The following DCC variants were observed in gnomAD, a reference collection of about 807,000 sequenced individuals.
DCC encodes netrin receptor DCC.
A neutral mutation model predicts 172.5 loss-of-function variants in DCC; 58 were observed. The observed-to-expected ratio is 0.34, with a 90% CI of 0.27 to 0.42. DCC has a LOEUF of 0.42. DCC is among the 10% of genes least tolerant of loss of function. The pLI is 1.00. For missense variants in DCC, 1,740 were observed against 1,791.0 expected (o/e 0.97, Z 0.51); for synonymous variants, 709 against 644.5 (o/e 1.10, Z -1.52).
At position 52,973,925 on chromosome 18, in the gene DCC, T is replaced by C. The variant is rs187055733; in HGVS notation, c.985+48555T>C. On this transcript the variant is annotated intron_variant, in intron 5 of 28. Coordinates refer to ENST00000442544, the MANE Select transcript of DCC (RefSeq NM_005215.4). ...CAAAGAAGATTCATTGAATGTTTTC[T>C]CCTGTGCTTTGGGCACACTCATGTC... is the stretch of plus-strand genomic sequence containing the variant. Among the ~76,000 whole-genome samples the C allele has an allele frequency of 7.2e-5, 11 of 152,294 alleles. No individual in the cohort carries two copies. In the East Asian group the frequency reaches 2.1e-3, roughly 29 times the overall value.
At chr18:52,572,562 A>T (rs1480196107) in intron 1 of DCC, among the ~76,000 whole-genome samples, 1 of 152,188 alleles carries the variant, frequency 6.6e-6, no homozygotes, top group Non-Finnish European at 1.5e-5. Flanking sequence ...AGGCACCTGC[A>T]GTTGAGGGCC....
At chr18:53,499,204 ATC>A (rs2046064928) in intron 26 of DCC, 92 bp from the exon 27 acceptor site, 2 of 1,256,482 alleles carry the variant, frequency 1.6e-6, no homozygotes, top group Non-Finnish European at 2.3e-6. Context: ...ATCCTATCAC[ATC>A]TCTCTGAATG....
At chr18:52,959,034 G>C (rs1453196580) in intron 5 of DCC, among the ~76,000 whole-genome samples, 1 of 152,008 alleles carries the variant, frequency 6.6e-6, no homozygotes, top group South Asian at 2.1e-4. Flanking sequence ...TTTTTGTGTG[G>C]CCGAAGACAG....
At chr18:53,107,377 T>C (rs1350800057) in intron 7 of DCC, among the ~76,000 whole-genome samples, 1 of 151,794 alleles carries the variant, frequency 6.6e-6, no homozygotes, top group Non-Finnish European at 1.5e-5. Context: ...TGTTCTTAAA[T>C]TGGGCCCATT....
chr18:52,845,513 A>C (rs554671420), intron 2 of DCC, among the ~76,000 whole-genome samples: 5 of 152,190 alleles, frequency 3.3e-5, no homozygotes, highest in Non-Finnish European at 5.9e-5. Context: ...TAGGAAAAAG[A>C]CCATGAAAAC....
intron 27 of DCC, among the ~76,000 whole-genome samples, chr18:53,510,459 ATAT>A (rs1407917248): frequency 6.6e-6 from 1 of 152,210 alleles, no homozygotes; most frequent in Non-Finnish European, 1.5e-5. Flanking sequence ...TTCCCAGAAG[ATAT>A]TATCATAAAT....
intron 21 of DCC, among the ~76,000 whole-genome samples, chr18:53,429,263 G>GACAACTTTTTTCACCTATCATTTGCAA (rs1319248002): frequency 6.8e-6 from 1 of 146,672 alleles, no homozygotes; most frequent in Non-Finnish European, 1.5e-5. Context: ...TTTAGAAGAT[G>GACAACTTTTTTCACCTATCATTTGCAA]GTCTCTGCAA....
chr18:53,147,864 C>T (rs1293304562), intron 7 of DCC, among the ~76,000 whole-genome samples: 1 of 152,104 alleles, frequency 6.6e-6, no homozygotes, highest in Non-Finnish European at 1.5e-5. Context: ...TGGAAGTTAG[C>T]CATCAAGTAT....
At chr18:53,314,137 C>G (rs977798019) in intron 13 of DCC, among the ~76,000 whole-genome samples, 1 of 152,130 alleles carries the variant, frequency 6.6e-6, no homozygotes, top group African/African-American at 2.4e-5. Flanking sequence ...AAAAGAGCCT[C>G]CAGTACATCT....
intron 1 of DCC, among the ~76,000 whole-genome samples, chr18:52,489,596 C>T (rs1053081522): frequency 3.3e-5 from 5 of 152,110 alleles, no homozygotes. Flanking sequence ...CTTGATTCTA[C>T]TCACTGCTGC....
At chr18:52,355,637 G>A (rs556548167) in intron 1 of DCC, among the ~76,000 whole-genome samples, 25 of 152,084 alleles carry the variant, frequency 1.6e-4, no homozygotes, top group South Asian at 8.3e-4. Flanking sequence ...ATTTGTTAGC[G>A]CCTGTGGTGT....
chr18:52,350,494 A>G (rs1260021167), intron 1 of DCC, among the ~76,000 whole-genome samples: 1 of 151,656 alleles, frequency 6.6e-6, no homozygotes, highest in African/African-American at 2.4e-5. Flanking sequence ...GGACACAGGA[A>G]GGGGAACATC....
chr18:53,465,912 A>G (rs1167272817), intron 24 of DCC, among the ~76,000 whole-genome samples: 5 of 151,698 alleles, frequency 3.3e-5, no homozygotes, highest in East Asian at 2.0e-4. Context: ...CTACAGGCAT[A>G]TGCCACCACT....
At chr18:52,726,335 G>A (rs1338496445) in intron 1 of DCC, among the ~76,000 whole-genome samples, 1 of 152,132 alleles carries the variant, frequency 6.6e-6, no homozygotes, top group Non-Finnish European at 1.5e-5. Context: ...CCTCCTGGAA[G>A]AATCTAGTGA....
At chr18:52,432,490 G>A (rs571045817) in intron 1 of DCC, among the ~76,000 whole-genome samples, 4 of 152,186 alleles carry the variant, frequency 2.6e-5, no homozygotes, top group East Asian at 1.9e-4. Flanking sequence ...GTTGCTCTTC[G>A]TGCAAGGGAG....
chr18:52,551,823 A>G (rs1467080884), intron 1 of DCC, among the ~76,000 whole-genome samples: 1 of 152,064 alleles, frequency 6.6e-6, no homozygotes, highest in Admixed American at 6.6e-5. Flanking sequence ...GAGGCACCAC[A>G]GTCAGCTTTG....
intron 15 of DCC, among the ~76,000 whole-genome samples, chr18:53,360,145 T>G (rs531419290): frequency 2.6e-5 from 4 of 152,210 alleles, no homozygotes; most frequent in Non-Finnish European, 5.9e-5. Flanking sequence ...TAAGAATTTT[T>G]TGTTTATTAG....
At chr18:52,896,027 C>G (rs140292624) in intron 2 of DCC, among the ~76,000 whole-genome samples, 1 of 152,096 alleles carries the variant, frequency 6.6e-6, no homozygotes, top group African/African-American at 2.4e-5. Context: ...TCAGGTGATT[C>G]GCCTGCTTAG....
chr18:53,000,585 C>CTTTTTTT (rs71175543), intron 5 of DCC, among the ~76,000 whole-genome samples: 4 of 99,014 alleles, frequency 4.0e-5, no homozygotes, highest in Non-Finnish European at 8.0e-5. Flanking sequence ...AGCTTACATT[C>CTTTTTTT]TTTTTTTTTT....
Sources: gnomAD v4.1 joint callset for allele counts (sites outside exome capture counted in the v4.1 genomes callset) on GRCh38, gnomAD v4.1.1 for gene constraint, MANE v1.5 for transcripts, NCBI Gene and HGNC (gene_info 2026-07-23, HGNC 2026-07-21) for gene names.